Variants in GRAMD4 observed in about 807,000 individuals in gnomAD.
GRAMD4 encodes the protein GRAM domain-containing protein 4.
GRAMD4 carries 25 observed loss-of-function variants against 83.9 expected under a neutral mutation model. That is an observed-to-expected ratio of 0.30 (90% CI 0.22 to 0.42). The LOEUF (loss-of-function observed/expected upper bound fraction) is 0.42. GRAMD4 is among the 10% of genes least tolerant of loss of function. The probability of loss-of-function intolerance (pLI) is 1.00; values close to 1 mark genes in which losing one functional copy is unlikely to be tolerated. For missense variants in GRAMD4, 593 were observed against 788.7 expected, an observed-to-expected ratio of 0.75 and a Z score of 2.97; for synonymous variants, 336 against 320.9, an observed-to-expected ratio of 1.05 and a Z score of -0.50.
intron 3 of GRAMD4, among the ~76,000 whole-genome samples, chr22:46,643,159 C>T (rs201794590): frequency 8.8e-5 from 4 of 45,262 alleles, no homozygotes; most frequent in East Asian, 1.3e-3. Context: ...ATCCATCCAT[C>T]CATCCATCCA....
intron 3 of GRAMD4, 62 bp downstream of exon 3, chr22:46,638,022 G>C (rs2081917042): frequency 6.4e-7 from 1 of 1,564,616 alleles, no homozygotes; most frequent in Non-Finnish European, 8.8e-7. Flanking sequence ...GCTGAGATGG[G>C]GGATGTCGTC....
chr22:46,681,117 C>T (rs767770087), downstream of GRAMD4, among the ~76,000 whole-genome samples: 1 of 151,912 alleles, frequency 6.6e-6, no homozygotes, highest in African/African-American at 2.4e-5. Context: ...TTGCTCCTAA[C>T]TTGGAACAAG....
At chr22:46,626,372 C>T (rs2081659328) in intron 1 of GRAMD4, among the ~76,000 whole-genome samples, 1 of 152,178 alleles carries the variant, frequency 6.6e-6, no homozygotes, top group African/African-American at 2.4e-5. Flanking sequence ...CGCCTGCGCG[C>T]CGCCTCGCCG....
chr22:46,608,347 G>A (rs963665846), intron 1 of GRAMD4, among the ~76,000 whole-genome samples: 5 of 152,222 alleles, frequency 3.3e-5, no homozygotes, highest in African/African-American at 1.2e-4. Flanking sequence ...GGCAACAGGT[G>A]TGAAGTGGAC....
intron 1 of GRAMD4, among the ~76,000 whole-genome samples, chr22:46,624,444 T>A (rs537452194): frequency 6.8e-6 from 1 of 147,744 alleles, no homozygotes; most frequent in South Asian, 2.3e-4. Context: ...TTCCTCTGCC[T>A]CCGTCTCCTG....
At chr22:46,614,955 G>A (rs968043236) in intron 1 of GRAMD4, among the ~76,000 whole-genome samples, 2 of 128,762 alleles carry the variant, frequency 1.6e-5, no homozygotes, top group East Asian at 2.7e-4. Context: ...GTGCATGTAG[G>A]TTCCCCCGTG....
chr22:46,663,813 TC>T (rs760710358), intron 6 of GRAMD4, 24 bp from the exon 7 acceptor site: 1 of 1,612,532 alleles, frequency 6.2e-7, no homozygotes, highest in Non-Finnish European at 8.5e-7. Context: ...AACCCTGGGC[TC>T]CCATCTCTCC....
downstream of GRAMD4, chr22:46,682,399 C>T (rs1217427196): frequency 4.1e-6 from 4 of 983,918 alleles, no homozygotes; most frequent in East Asian, 1.1e-4. Context: ...CAGAAAACCC[C>T]GAAATTCACA....
At chr22:46,587,962 G>A (rs1167080096) in intron 1 of GRAMD4, 3 of 985,004 alleles carry the variant, frequency 3.0e-6, no homozygotes, top group Non-Finnish European at 3.6e-6. Flanking sequence ...AAAGGCCTGA[G>A]GGTCCAGGGG....
intron 13 of GRAMD4, 129 bp downstream of exon 13, chr22:46,669,037 ACAAATGTTT>A: frequency 1.6e-6 from 1 of 614,312 alleles, no homozygotes; most frequent in South Asian, 1.9e-5. Flanking sequence ...GCTTTTTGTC[ACAAATGTTT>A]CAATTTGGGA....
At chr22:46,598,395 G>A (rs930766711) in intron 1 of GRAMD4, among the ~76,000 whole-genome samples, 1 of 152,126 alleles carries the variant, frequency 6.6e-6, no homozygotes, top group Non-Finnish European at 1.5e-5. Flanking sequence ...GCGGGAGGGA[G>A]GGGTGGATGG....
intron 1 of GRAMD4, among the ~76,000 whole-genome samples, chr22:46,599,875 G>C (rs531405681): frequency 1.3e-5 from 2 of 151,844 alleles, no homozygotes; most frequent in Non-Finnish European, 2.9e-5. Flanking sequence ...AGTGACCATC[G>C]GAAGGCTTTC....
intron 1 of GRAMD4, among the ~76,000 whole-genome samples, chr22:46,590,221 C>T (rs1236472082): frequency 1.3e-5 from 2 of 152,208 alleles, no homozygotes; most frequent in Non-Finnish European, 2.9e-5. Flanking sequence ...TCCAGAGGGG[C>T]GGAGCTGGGA....
At chr22:46,651,998 A>T (rs1006256818) in intron 3 of GRAMD4, among the ~76,000 whole-genome samples, 4 of 152,064 alleles carry the variant, frequency 2.6e-5, no homozygotes, top group African/African-American at 9.7e-5. Context: ...AAGGAAGAGG[A>T]CTGTCCCAGC....
At position 46,659,786 on chromosome 22, in the gene GRAMD4, T is replaced by C. The variant is rs1003920075; in HGVS notation, c.404+1479T>C. Among the ~76,000 whole-genome samples, 9 of 152,208 alleles carry C rather than the reference T, an allele frequency of 5.9e-5. No individual in the cohort carries two copies. Among genetic ancestry groups the C allele is most frequent in the Admixed American group, 1.3e-4 (2 of 15,282 alleles). On this transcript the variant is annotated intron_variant, in intron 4 of 18. Transcript: ENST00000406902. This position sits in a 1 kb window ranked among gnomAD's most constrained non-coding sequence, Gnocchi z 4.1. ...GAGGCCTCACTTTCCTATTCCGCCC[T>C]GGCAGAACCTCCCAGACCAGAAATG...
intron 1 of GRAMD4, among the ~76,000 whole-genome samples, chr22:46,580,300 T>C (rs1212069088): frequency 2.6e-5 from 4 of 152,206 alleles, no homozygotes; most frequent in Non-Finnish European, 5.9e-5. Flanking sequence ...CTCACAGTGC[T>C]TTCGAAGGCC....
At chr22:46,664,548 T>C (rs1256209014) in intron 8 of GRAMD4, among the ~76,000 whole-genome samples, 1 of 152,130 alleles carries the variant, frequency 6.6e-6, no homozygotes, top group Non-Finnish European at 1.5e-5. Context: ...TCCTGAGGGA[T>C]TGGAGGGTGC....
intron 5 of GRAMD4, 73 bp downstream of exon 5, chr22:46,661,515 G>A: frequency 9.2e-7 from 1 of 1,091,880 alleles, no homozygotes; most frequent in Non-Finnish European, 1.4e-6. Context: ...GGTTCTGTAG[G>A]CCCAGGTTAA....
upstream of GRAMD4, among the ~76,000 whole-genome samples, chr22:46,617,084 G>A (rs2081512165): frequency 8.3e-6 from 1 of 120,136 alleles, no homozygotes; most frequent in Non-Finnish European, 1.7e-5. Flanking sequence ...GTGCGTGTGG[G>A]TTCCCCCATG....
Sources: allele counts gnomAD v4.1 joint callset (sites outside exome capture counted in the v4.1 genomes callset), GRCh38; gene constraint gnomAD v4.1.1; non-coding constraint Gnocchi (gnomAD v3.1); transcripts MANE v1.5; gene names NCBI Gene and HGNC (gene_info 2026-07-23, HGNC 2026-07-21).